PDE1A: variants seen among roughly 807,000 people sequenced by gnomAD.
PDE1A encodes the protein phosphodiesterase 1A, also known as dual specificity calcium/calmodulin-dependent 3',5'-cyclic nucleotide phosphodiesterase 1A.
Under a neutral mutation model 61.7 loss-of-function variants are expected in PDE1A, and 35 were observed. The ratio of observed to expected loss-of-function variants is 0.57; its 90% CI spans 0.43 to 0.75. The LOEUF is 0.75. PDE1A is among the 30% of genes least tolerant of loss of function. The probability of loss-of-function intolerance (pLI) is 0.00; values close to 1 mark genes in which losing one functional copy is unlikely to be tolerated. For synonymous variants in PDE1A, 232 were observed against 213.2 expected (o/e 1.09, Z -0.77); for missense variants, 597 against 630.6 (o/e 0.95, Z 0.57).
intron 2 of PDE1A, among the ~76,000 whole-genome samples, chr2:182,262,845 T>A (rs1692321239): frequency 6.6e-6 from 1 of 152,064 alleles, no homozygotes; most frequent in Non-Finnish European, 1.5e-5. Flanking sequence ...AAAATAAAAA[T>A]ATGTAATAAA....
chr2:182,433,816 T>C (rs1049108192), intron 2 of PDE1A, among the ~76,000 whole-genome samples: 6 of 152,082 alleles, frequency 3.9e-5, no homozygotes, highest in Admixed American at 1.3e-4. Context: ...CCACTACCTG[T>C]GCTGGCATTT....
At chr2:182,185,230 G>C (rs1454798636) in intron 13 of PDE1A, among the ~76,000 whole-genome samples, 1 of 152,166 alleles carries the variant, frequency 6.6e-6, no homozygotes, top group Non-Finnish European at 1.5e-5. Context: ...AAGGGAGACA[G>C]AGCTGTGGGA....
chr2:182,607,946 G>T, the PDE1A span, among the ~76,000 whole-genome samples: 3 of 152,118 alleles, frequency 2.0e-5, no homozygotes, highest in African/African-American at 7.2e-5. Context: ...CGTACATTTG[G>T]CAAAAATGAC....
At chr2:182,688,201 A>C in the PDE1A span, among the ~76,000 whole-genome samples, 1 of 152,222 alleles carries the variant, frequency 6.6e-6, no homozygotes, top group Non-Finnish European at 1.5e-5. Context: ...CTCCTTGAGA[A>C]GAGCAACTCC....
chr2:182,332,033 G>A (rs765092408), intron 1 of PDE1A, among the ~76,000 whole-genome samples: 8 of 152,088 alleles, frequency 5.3e-5, no homozygotes, highest in South Asian at 2.1e-4. Flanking sequence ...ATTTCTTGGC[G>A]GGTTTGTTCA....
intron 13 of PDE1A, among the ~76,000 whole-genome samples, chr2:182,156,485 G>A (rs568051205): frequency 1.7e-4 from 26 of 152,114 alleles, no homozygotes; most frequent in Non-Finnish European, 3.5e-4. Flanking sequence ...AAAGGGGAAA[G>A]TATCTATTGA....
chr2:182,652,347 C>G, the PDE1A span, among the ~76,000 whole-genome samples: 41 of 152,272 alleles, frequency 2.7e-4, 1 homozygote, highest in East Asian at 6.8e-3. Flanking sequence ...TCTTTAGATT[C>G]CTTCTGCAGT....
the PDE1A span, among the ~76,000 whole-genome samples, chr2:182,599,168 C>G: frequency 1.3e-5 from 2 of 152,160 alleles, no homozygotes; most frequent in African/African-American, 4.8e-5. Flanking sequence ...CCTACCCTCA[C>G]AGGCTCAGAA....
the PDE1A span, among the ~76,000 whole-genome samples, chr2:182,703,367 T>C: frequency 1.3e-5 from 2 of 152,292 alleles, no homozygotes; most frequent in Non-Finnish European, 2.9e-5. Flanking sequence ...GATTCTAATG[T>C]AGAGTATACA....
intron 1 of PDE1A, among the ~76,000 whole-genome samples, chr2:182,272,400 G>A (rs2125821024): frequency 6.6e-6 from 1 of 152,302 alleles, no homozygotes; most frequent in South Asian, 2.1e-4. Context: ...GGTCCTGCAT[G>A]TTATGCAGAT....
At chr2:182,246,392 TTCTTTTTTCTTTC>T (rs1690951200) in intron 2 of PDE1A, among the ~76,000 whole-genome samples, 2 of 105,840 alleles carry the variant, frequency 1.9e-5, no homozygotes, top group Admixed American at 1.1e-4. Context: ...ATAGTCTTTT[TTCTTTTTTCTTTC>T]TTTTTTTTTT....
intron 2 of PDE1A, among the ~76,000 whole-genome samples, chr2:182,471,641 CTTTT>C (rs1486915887): frequency 2.0e-5 from 3 of 151,662 alleles, no homozygotes; most frequent in Admixed American, 1.3e-4. Flanking sequence ...CCATTTCCTT[CTTTT>C]TTAAGAATTT....
the PDE1A span, among the ~76,000 whole-genome samples, chr2:182,528,568 T>C: frequency 1.2e-4 from 19 of 152,062 alleles, no homozygotes; most frequent in Non-Finnish European, 1.5e-5. Context: ...GCTACAGAAA[T>C]TTGCATAAGT....
intron 2 of PDE1A, among the ~76,000 whole-genome samples, chr2:182,493,909 G>C (rs1688552010): frequency 6.6e-6 from 1 of 152,110 alleles, no homozygotes; most frequent in Non-Finnish European, 1.5e-5. Context: ...CAAAGTGCTG[G>C]GATTACATGT....
chr2:182,208,105 A>G (rs902423179), intron 7 of PDE1A, among the ~76,000 whole-genome samples: 1 of 152,180 alleles, frequency 6.6e-6, no homozygotes, highest in Non-Finnish European at 1.5e-5. Flanking sequence ...TGGAGGGGAA[A>G]TGTGGGGTTA....
chr2:182,716,026 C>A, the PDE1A span: 2 of 152,316 alleles, frequency 1.3e-5, no homozygotes, highest in Non-Finnish European at 1.5e-5. Flanking sequence ...TCCCCGCCCG[C>A]GGCAGGCGCC....
the PDE1A span, among the ~76,000 whole-genome samples, chr2:182,652,879 C>G: frequency 1.3e-5 from 2 of 152,078 alleles, no homozygotes; most frequent in Admixed American, 6.5e-5. Context: ...ATGGAGTCAC[C>G]CAAACCTTCA....
At chr2:182,633,325 C>A in the PDE1A span, among the ~76,000 whole-genome samples, 2 of 152,090 alleles carry the variant, frequency 1.3e-5, no homozygotes, top group Non-Finnish European at 2.9e-5. Flanking sequence ...AAAGGTCCAC[C>A]CTGTTGCATT....
exon 1 of PDE1A, chr2:182,426,771 G>A: frequency 1.3e-6 from 2 of 1,484,562 alleles, no homozygotes; most frequent in Non-Finnish European, 1.8e-6. Flanking sequence ...TGGGTGCTGG[G>A]AGAAAACTTC....
Sources: allele counts gnomAD v4.1 joint callset (sites outside exome capture counted in the v4.1 genomes callset), GRCh38; gene constraint gnomAD v4.1.1; transcripts MANE v1.5; gene names NCBI Gene and HGNC (gene_info 2026-07-23, HGNC 2026-07-21).